Variants in CDCA5 observed in about 807,000 individuals in gnomAD.
CDCA5 encodes the protein sororin.
Under a neutral mutation model 25.7 loss-of-function variants are expected in CDCA5, and 14 were observed. The ratio of observed to expected loss-of-function variants is 0.54; its 90% CI spans 0.36 to 0.85. CDCA5 has a LOEUF of 0.85. Ranked by LOEUF, CDCA5 falls within the 40% of genes least tolerant of loss-of-function variation. CDCA5 has a pLI of 0.01. For synonymous variants in CDCA5, 127 were observed against 128.7 expected (o/e 0.99, Z 0.09); for missense variants, 307 against 324.5 (o/e 0.95, Z 0.41).
At chr11:65,068,769 T>C (rs1243205408) in intron 1 of CDCA5, among the ~76,000 whole-genome samples, 1 of 152,208 alleles carries the variant, frequency 6.6e-6, no homozygotes, top group East Asian at 1.9e-4. Context: ...ATTTAGTAAA[T>C]ACAATATAGG....
At chr11:65,062,590 G>C (rs1168064196), downstream of CDCA5, among the ~76,000 whole-genome samples, 1 of 152,046 alleles carries the variant, frequency 6.6e-6, no homozygotes, top group Non-Finnish European at 1.5e-5. Context: ...TTGTGTCTTT[G>C]CTCAAATGTC....
In CDCA5 at chr11:65,079,166, C is replaced by T. The variant is rs1298532202; in HGVS notation, c.700G>A (p.Ala234Thr). ...EILKTELDEW[A>T]AAMNAEFEAA... ...TCAAACTCGGCATTCATGGCCGCAGCCCACTCATCCAGCTCCGTTTTCTGA... is the reference window on the plus strand; with the variant it reads ...TCAAACTCGGCATTCATGGCCGCAGTCCACTCATCCAGCTCCGTTTTCTGA... Residue 234 changes from alanine (A) to threonine (T), a missense_variant, in exon 6 of 6, where the codon GCT (alanine) becomes ACT (threonine). Ala to Thr is a moderately conservative substitution (Grantham distance 58). Coordinates refer to ENST00000275517, the MANE Select transcript of CDCA5 (RefSeq NM_080668.4). 6.6e-7 allele frequency: 1 copy of T among 1,521,344 alleles called. No individual in the cohort carries two copies. The highest frequency in any genetic ancestry group is 1.3e-5 in the South Asian group (1 of 75,580). The allele number at this position is 1,521,344 out of a possible 1,614,324, so 94.2% of individuals were successfully genotyped here. A position where few individuals can be genotyped will look rare whatever the true frequency, so the allele number is the denominator to read the frequency against.
chr11:65,062,394 G>C (rs1206889158), downstream of CDCA5, among the ~76,000 whole-genome samples: 3 of 152,120 alleles, frequency 2.0e-5, no homozygotes, highest in African/African-American at 4.8e-5. Context: ...AGTGGCCATA[G>C]AGCCCTTCAT....
downstream of CDCA5, among the ~76,000 whole-genome samples, chr11:65,076,070 G>A (rs1338713412): frequency 6.6e-6 from 1 of 152,162 alleles, no homozygotes; most frequent in Non-Finnish European, 1.5e-5. Context: ...GTTCCTTCAA[G>A]CTTAAAATGG....
At chr11:65,065,967 C>A (rs911741390), downstream of CDCA5, among the ~76,000 whole-genome samples, 1 of 152,124 alleles carries the variant, frequency 6.6e-6, no homozygotes, top group Non-Finnish European at 1.5e-5. Context: ...CCCGCCTACA[C>A]CCCAGTATCC....
chr11:65,068,670 T>C (rs1402401299), intron 1 of CDCA5: 2 of 1,017,716 alleles, frequency 2.0e-6, no homozygotes, highest in African/African-American at 3.3e-5. Flanking sequence ...TAGCCTGGTC[T>C]GGTTTTTAGG....
intron 4 of CDCA5, among the ~76,000 whole-genome samples, chr11:65,081,812 T>C (rs1947573142): frequency 6.6e-6 from 1 of 151,800 alleles, no homozygotes; most frequent in South Asian, 2.1e-4. Context: ...TAAAAAAAAT[T>C]AGAGAAAACA....
At chr11:65,063,517 TG>T (rs140277269), downstream of CDCA5, among the ~76,000 whole-genome samples, 986 of 152,272 alleles carry the variant, frequency 6.5e-3, 3 homozygotes, top group Admixed American at 0.011. Context: ...TGGAACCCCA[TG>T]TTACAGATGA....
chr11:65,083,438 CCA>C, intron 3 of CDCA5, 39 bp from the exon 4 acceptor site: 1 of 1,614,110 alleles, frequency 6.2e-7, no homozygotes, highest in Non-Finnish European at 8.5e-7. Context: ...TAGCTGGTCC[CCA>C]GTTTTGCCCG....
At position 65,078,818 on chromosome 11, in the gene CDCA5, T is replaced by G. The variant is rs1199940608; in HGVS notation, c.*289A>C. The G allele has an allele frequency of 8.7e-7, 1 of 1,152,834 alleles. No individual in the cohort carries two copies. The highest frequency in any genetic ancestry group is 4.6e-5 in the Admixed American group (1 of 21,718). 71.4% of individuals were successfully genotyped at this position (1,152,834 alleles called of 1,614,324 possible). A position where few individuals can be genotyped will look rare whatever the true frequency, so the allele number is the denominator to read the frequency against. The stretch of plus-strand genomic sequence containing the variant: ...CTGGGCCACTGATTCTCCTCCCCAG[T>G]CTGTGGCCCATCTGGAAACTGGCTA... On this transcript the variant is annotated 3_prime_UTR_variant, in exon 6 of 6. Coordinates refer to ENST00000275517, the MANE Select transcript of CDCA5 (RefSeq NM_080668.4).
chr11:65,075,423 G>A (rs139255047), downstream of CDCA5, among the ~76,000 whole-genome samples: 112 of 152,192 alleles, frequency 7.4e-4, no homozygotes, highest in Middle Eastern at 0.01. Flanking sequence ...AAATTAAGGA[G>A]GGGAGAAACA....
rs368560562 is a variant in CDCA5, at chr11:65,083,346, A to G, written c.243+18T>C. 9.9e-6 allele frequency: 16 copies of G among 1,613,856 alleles called. No homozygotes were observed. Among genetic ancestry groups the G allele is most frequent in the Non-Finnish European group, 2.5e-6 (3 of 1,179,830 alleles). On this transcript the variant is annotated intron_variant, in intron 4 of 5. Coordinates refer to ENST00000275517, the MANE Select transcript of CDCA5 (RefSeq NM_080668.4). Reference sequence around the variant, plus strand: ...TGACCCAGATTCTACTTAATTAAGTAGATGAAAGTGAACTCACCCTAGGGC... The same window carrying G: ...TGACCCAGATTCTACTTAATTAAGTGGATGAAAGTGAACTCACCCTAGGGC...
intron 4 of CDCA5, among the ~76,000 whole-genome samples, chr11:65,080,962 A>C (rs1482023694): frequency 1.3e-5 from 2 of 152,350 alleles, no homozygotes. Flanking sequence ...GGTGACATTC[A>C]AGCTACAACT....
downstream of CDCA5, among the ~76,000 whole-genome samples, chr11:65,062,824 C>T (rs1480279440): frequency 6.6e-6 from 1 of 152,178 alleles, no homozygotes; most frequent in East Asian, 1.9e-4. Context: ...CTTCCTCTTC[C>T]TCTGTGGCTT....
At position 65,078,200 on chromosome 11, in the gene CDCA5, G is replaced by A; in HGVS notation, c.*907C>T. 1.0e-6 allele frequency: 1 copy of A among 985,424 alleles called. No individual in the cohort carries two copies. Among genetic ancestry groups the A allele is most frequent in the Non-Finnish European group, 1.2e-6 (1 of 829,948 alleles). 61.0% of individuals were successfully genotyped at this position (985,424 alleles called of 1,614,324 possible). A position where few individuals can be genotyped will look rare whatever the true frequency, so the allele number is the denominator to read the frequency against. On this transcript the variant is annotated 3_prime_UTR_variant, in exon 6 of 6. Coordinates refer to ENST00000275517, the MANE Select transcript of CDCA5 (RefSeq NM_080668.4). ...CAACTTTCTCTTCTAGGGCCAAGTA[G>A]ACTCGGTGTAACTTATTTTGTAAGA...
intron 1 of CDCA5, among the ~76,000 whole-genome samples, chr11:65,071,766 G>A (rs1391803412): frequency 2.0e-5 from 3 of 152,204 alleles, no homozygotes; most frequent in African/African-American, 4.8e-5. Flanking sequence ...GGTACGTGAG[G>A]AGGATGAGCA....
At position 65,079,572 on chromosome 11, in the gene CDCA5, GC is replaced by G; in HGVS notation, c.458del (p.Gly153AlafsTer51). 6.2e-7 allele frequency: 1 copy of G among 1,613,910 alleles called. No homozygotes were observed. Among genetic ancestry groups the G allele is most frequent in the Non-Finnish European group, 8.5e-7 (1 of 1,179,858 alleles). ...GGCCTGGGGTGGAGGTAGAGGCAGA[GC>G]CCAGGGTCTCCAGCCGGCTGTAGGA... ...RRSYSRLETL[G>X]SASTSTPGRR... On this transcript the variant is annotated frameshift_variant, in exon 5 of 6. Coordinates refer to ENST00000275517, the MANE Select transcript of CDCA5 (RefSeq NM_080668.4). LOFTEE classifies it high-confidence loss of function.
downstream of CDCA5, among the ~76,000 whole-genome samples, chr11:65,076,847 G>C (rs1947455853): frequency 6.6e-6 from 1 of 152,192 alleles, no homozygotes; most frequent in South Asian, 2.1e-4. Context: ...AAGGGAATGG[G>C]GAACGAGGGC....
At chr11:65,061,475 T>C (rs951369723), downstream of CDCA5, among the ~76,000 whole-genome samples, 2 of 152,060 alleles carry the variant, frequency 1.3e-5, no homozygotes, top group African/African-American at 2.4e-5. Flanking sequence ...TTTGGAGTGA[T>C]TATAACCGAG....
Sources: allele counts gnomAD v4.1 joint callset (sites outside exome capture counted in the v4.1 genomes callset), GRCh38; gene constraint gnomAD v4.1.1; transcripts MANE v1.5; gene names NCBI Gene and HGNC (gene_info 2026-07-23, HGNC 2026-07-21).